The following CNOT6 variants were observed in gnomAD, a reference collection of about 807,000 sequenced individuals.
The protein encoded by CNOT6 is CCR4-NOT transcription complex subunit 6.
A neutral mutation model predicts 61.2 loss-of-function variants in CNOT6; 12 were observed. The observed-to-expected ratio is 0.20, with a 90% CI of 0.13 to 0.32. The LOEUF is 0.32. Ranked by LOEUF, CNOT6 falls within the 10% of genes least tolerant of loss-of-function variation. The pLI, the probability that CNOT6 is intolerant of heterozygous loss-of-function variation, is 1.00. For synonymous variants in CNOT6, 225 were observed against 240.6 expected, an observed-to-expected ratio of 0.94 and a Z score of 0.60; for missense variants, 405 against 663.9, an observed-to-expected ratio of 0.61 and a Z score of 4.28.
intron 2 of CNOT6, among the ~76,000 whole-genome samples, chr5:180,532,417 T>C (rs1320705055): frequency 6.6e-6 from 1 of 152,172 alleles, no homozygotes; most frequent in Non-Finnish European, 1.5e-5. Flanking sequence ...TGCTGTGAAC[T>C]CCTTGGTGAC....
At position 180,499,133 on chromosome 5, in the gene CNOT6, G is replaced by A. The variant is rs796094269; in HGVS notation, c.-3+4370G>A. Among the ~76,000 whole-genome samples, 13 of 152,254 alleles carry A rather than the reference G, an allele frequency of 8.5e-5. 1 individual carries two copies. The highest frequency in any genetic ancestry group is 3.1e-4 in the African/African-American group (13 of 41,524). On this transcript the variant is annotated intron_variant, in intron 1 of 11. Transcript: ENST00000261951. ...TGGATATGGTGTCTTCTGAGTCTGT[G>A]GTCCCTTAAGGGACTTTAGGGCTAT...
Position 180,542,296 on chromosome 5 carries a change from G to A in CNOT6, c.113-7635G>A, listed in dbSNP as rs560995511. ...TTTTTTTTTTTTGAGACAGGGTCTCGCTCTGTCGCCCAGGCTGGAGTGCAG... is the reference window on the plus strand; with the variant it reads ...TTTTTTTTTTTTGAGACAGGGTCTCACTCTGTCGCCCAGGCTGGAGTGCAG... On this transcript the variant is annotated intron_variant, in intron 2 of 11. Transcript: ENST00000261951. Among the ~76,000 whole-genome samples the A allele has an allele frequency of 8.7e-5, 13 of 150,272 alleles. No homozygotes were observed. The South Asian group carries it at 1.7e-3, about 20-fold the overall frequency.
intron 4 of CNOT6, among the ~76,000 whole-genome samples, chr5:180,555,410 C>T (rs1270795730): frequency 6.6e-6 from 1 of 152,160 alleles, no homozygotes; most frequent in Non-Finnish European, 1.5e-5. Context: ...TGATCCCTTG[C>T]TTTTCCATTT....
At chr5:180,509,290 C>T (rs1021697759) in intron 1 of CNOT6, among the ~76,000 whole-genome samples, 5 of 152,248 alleles carry the variant, frequency 3.3e-5, no homozygotes, top group African/African-American at 9.6e-5. Flanking sequence ...TGCCACCACA[C>T]TTGGTTAATT....
At chr5:180,515,692 A>T (rs142934061) in intron 1 of CNOT6, among the ~76,000 whole-genome samples, 4 of 152,200 alleles carry the variant, frequency 2.6e-5, no homozygotes, top group African/African-American at 9.6e-5. Flanking sequence ...TATGCGCCCT[A>T]ACTTACAGTA....
intron 1 of CNOT6, among the ~76,000 whole-genome samples, chr5:180,515,900 G>C (rs1166816390): frequency 6.6e-6 from 1 of 152,000 alleles, no homozygotes; most frequent in Non-Finnish European, 1.5e-5. Flanking sequence ...TCAAATTCAA[G>C]ATTAAAAAAA....
chr5:180,554,065 G>A (rs1759751284), intron 4 of CNOT6, among the ~76,000 whole-genome samples: 1 of 152,192 alleles, frequency 6.6e-6, no homozygotes, highest in South Asian at 2.1e-4. Flanking sequence ...TTGGGTAGGT[G>A]TGTCTAGCCT....
At chr5:180,564,025 A>C (rs1416336177) in intron 4 of CNOT6, among the ~76,000 whole-genome samples, 1 of 152,142 alleles carries the variant, frequency 6.6e-6, no homozygotes, top group Non-Finnish European at 1.5e-5. Flanking sequence ...TCTAAGTGCA[A>C]GTGTATATTT....
intron 9 of CNOT6, 69 bp from the exon 10 acceptor site, chr5:180,569,041 C>A (rs374893245): frequency 1.1e-5 from 12 of 1,123,908 alleles, no homozygotes; most frequent in Middle Eastern, 2.1e-4. Context: ...TGCTTTCAGA[C>A]GCTGTAAGAA....
chr5:180,564,874 TAA>T, intron 6 of CNOT6, 131 bp downstream of exon 6: 1 of 684,444 alleles, frequency 1.5e-6, no homozygotes, highest in Non-Finnish European at 2.5e-6. Context: ...TGGGAGGTAA[TAA>T]AAAAGAATTC....
intron 1 of CNOT6, among the ~76,000 whole-genome samples, chr5:180,526,279 G>A (rs1222627911): frequency 3.9e-5 from 6 of 152,138 alleles, no homozygotes; most frequent in Non-Finnish European, 7.3e-5. Flanking sequence ...TTTTAATAGA[G>A]GAAAGAATAG....
chr5:180,555,071 A>G (rs754949985), intron 4 of CNOT6, among the ~76,000 whole-genome samples: 14 of 151,172 alleles, frequency 9.3e-5, no homozygotes, highest in African/African-American at 1.2e-4. Context: ...TGGCATCATG[A>G]TATCGGCTCA....
At chr5:180,539,727 C>T (rs1305826103) in intron 2 of CNOT6, among the ~76,000 whole-genome samples, 1 of 151,132 alleles carries the variant, frequency 6.6e-6, no homozygotes, top group Non-Finnish European at 1.5e-5. Context: ...GTAGCTGGGA[C>T]TACAGGCACC....
intron 10 of CNOT6, 104 bp from the exon 11 acceptor site, chr5:180,571,126 G>T: frequency 1.4e-6 from 1 of 737,322 alleles, no homozygotes; most frequent in Non-Finnish European, 2.2e-6. Flanking sequence ...GAAACATTTT[G>T]GAACGTGGGA....
chr5:180,574,241 T>C lies in CNOT6; in HGVS notation c.*41T>C. The C allele has an allele frequency of 6.5e-7, 1 of 1,547,026 alleles. No homozygotes were observed. The highest frequency in any genetic ancestry group is 8.9e-7 in the Non-Finnish European group (1 of 1,119,366). On this transcript the variant is annotated 3_prime_UTR_variant, in exon 12 of 12. Transcript: ENST00000261951. ...GGACAGCCTTGATTCACTTGTAAACTTGTGAAAATCTGAACATAGGGGAGT... is the reference window on the plus strand; with the variant it reads ...GGACAGCCTTGATTCACTTGTAAACCTGTGAAAATCTGAACATAGGGGAGT...
chr5:180,498,673 G>T (rs1756724834), intron 1 of CNOT6, among the ~76,000 whole-genome samples: 1 of 152,234 alleles, frequency 6.6e-6, no homozygotes, highest in Non-Finnish European at 1.5e-5. Flanking sequence ...GACAGCAGAA[G>T]AGAGAGCCAA....
At chr5:180,508,780 G>A (rs1455937714) in intron 1 of CNOT6, among the ~76,000 whole-genome samples, 1 of 151,464 alleles carries the variant, frequency 6.6e-6, no homozygotes, top group African/African-American at 2.4e-5. Flanking sequence ...GTGCCAACAT[G>A]CCCAGCTAAT....
chr5:180,556,868 AT>A (rs1759921851), intron 4 of CNOT6, among the ~76,000 whole-genome samples: 2 of 152,146 alleles, frequency 1.3e-5, no homozygotes, highest in Admixed American at 6.5e-5. Flanking sequence ...AGGTGGGAGA[AT>A]AGCGTGAACC....
At chr5:180,538,713 T>TATATATATATATATAC (rs1345549867) in intron 2 of CNOT6, among the ~76,000 whole-genome samples, 11 of 144,950 alleles carry the variant, frequency 7.6e-5, no homozygotes, top group African/African-American at 2.9e-4. Context: ...TATATATATA[T>TATATATATATATATAC]ATACAAAAAA....
Sources: gnomAD v4.1 joint callset for allele counts (sites outside exome capture counted in the v4.1 genomes callset) on GRCh38, gnomAD v4.1.1 for gene constraint, MANE v1.5 for transcripts, NCBI Gene and HGNC (gene_info 2026-07-23, HGNC 2026-07-21) for gene names.